Variants in RIN3 observed in about 807,000 individuals in gnomAD.
The protein encoded by RIN3 is RAB5 interacting protein 3.
In RIN3, 54 loss-of-function variants were observed where a neutral mutation model predicts 76.3. The observed-to-expected ratio is 0.71, with a 90% CI of 0.57 to 0.89. The LOEUF is 0.89. RIN3 is among the 40% of genes least tolerant of loss of function. The pLI is 0.00. For missense variants in RIN3, 1,256 were observed against 1,322.1 expected (o/e 0.95, Z 0.78); for synonymous variants, 576 against 564.0 (o/e 1.02, Z -0.30).
At chr14:92,651,399 C>G (rs969246219) in intron 5 of RIN3, among the ~76,000 whole-genome samples, 183 bp from the exon 6 acceptor site, 1 of 151,904 alleles carries the variant, frequency 6.6e-6, no homozygotes, top group African/African-American at 2.4e-5. Context: ...CCTCTCGAGG[C>G]AGGAAGTGGT....
intron 1 of RIN3, among the ~76,000 whole-genome samples, chr14:92,536,466 G>A (rs920470385): frequency 1.1e-4 from 17 of 152,254 alleles, no homozygotes; most frequent in Non-Finnish European, 2.2e-4. Context: ...GGGTTCAGCC[G>A]GGAGCAGTGA....
intron 4 of RIN3, among the ~76,000 whole-genome samples, chr14:92,621,235 C>CAAAAAAAAAAAAAAAAAA (rs572318532): frequency 5.7e-5 from 4 of 70,696 alleles, no homozygotes; most frequent in African/African-American, 2.5e-4. Context: ...GACTCCGTCT[C>CAAAAAAAAAAAAAAAAAA]AAAAAAAAAA....
chr14:92,668,125 G>T (rs771913068), intron 7 of RIN3, among the ~76,000 whole-genome samples: 2 of 152,174 alleles, frequency 1.3e-5, no homozygotes, highest in Non-Finnish European at 1.5e-5. Flanking sequence ...TGGACACTGT[G>T]ATTATCCCCA....
intron 1 of RIN3, among the ~76,000 whole-genome samples, chr14:92,554,547 A>G (rs1373281880): frequency 6.6e-6 from 1 of 152,226 alleles, no homozygotes; most frequent in African/African-American, 2.4e-5. Context: ...CAAGCCACAT[A>G]TGTCATTTTA....
Position 92,524,909 on chromosome 14 carries a change from C to A in RIN3, c.44+10933C>A, listed in dbSNP as rs1469100911. ...ACATCTGCCTTCACTAGCTGCCTCCCTCTCTAGCCTCTGGAAGGGGCTGAG... is the reference window on the plus strand; with the variant it reads ...ACATCTGCCTTCACTAGCTGCCTCCATCTCTAGCCTCTGGAAGGGGCTGAG... On this transcript the variant is annotated intron_variant, in intron 1 of 9. Transcript: ENST00000216487. Among the ~76,000 whole-genome samples the A allele has an allele frequency of 3.3e-5, 5 of 152,358 alleles. No individual in the cohort carries two copies. In the South Asian group the frequency reaches 1.0e-3, roughly 32 times the overall value.
intron 3 of RIN3, among the ~76,000 whole-genome samples, chr14:92,584,424 G>T (rs747676794): frequency 3.3e-5 from 5 of 152,202 alleles, no homozygotes; most frequent in East Asian, 1.9e-4. Context: ...CCAGCCTCCA[G>T]TAGGATGGGA....
intron 7 of RIN3, among the ~76,000 whole-genome samples, chr14:92,675,227 T>G (rs1301569046): frequency 1.3e-5 from 2 of 152,262 alleles, no homozygotes; most frequent in African/African-American, 4.8e-5. Flanking sequence ...TGTAGGTTCC[T>G]GCTTATTTGC....
At chr14:92,515,985 G>A (rs1896431082) in intron 1 of RIN3, among the ~76,000 whole-genome samples, 1 of 152,118 alleles carries the variant, frequency 6.6e-6, no homozygotes, top group African/African-American at 2.4e-5. Context: ...GTGCATCAGG[G>A]ACAGATGCCG....
At chr14:92,527,299 G>T (rs576438369) in intron 1 of RIN3, among the ~76,000 whole-genome samples, 1 of 151,858 alleles carries the variant, frequency 6.6e-6, no homozygotes, top group African/African-American at 2.4e-5. Flanking sequence ...TGATCCACCC[G>T]TCTCAGCCTC....
At chr14:92,657,352 T>C (rs1233726058) in intron 6 of RIN3, among the ~76,000 whole-genome samples, 3 of 136,656 alleles carry the variant, frequency 2.2e-5, no homozygotes, top group Non-Finnish European at 4.7e-5. Context: ...CAGAACAAGA[T>C]TCTGTCTCAA....
In RIN3 at chr14:92,676,472, C is replaced by T; in HGVS notation, c.2336-3C>T. The T allele has an allele frequency of 6.2e-7, 1 of 1,613,470 alleles. No homozygotes were observed. Among genetic ancestry groups the T allele is most frequent in the Non-Finnish European group, 8.5e-7 (1 of 1,179,472 alleles). ...TCTCCCTCTGCCTCCTTCTTCTTCC[C>T]AGGGAAGCCCTATGGGGCGGATGAC... On this transcript the variant is annotated splice_region_variant and splice_polypyrimidine_tract_variant and intron_variant, in intron 7 of 9. Transcript: ENST00000216487.
At position 92,645,769 on chromosome 14, in the gene RIN3, C is replaced by T. The variant is rs145143227; in HGVS notation, c.532+4440C>T. Among the ~76,000 whole-genome samples the T allele has an allele frequency of 2.3e-3, 345 of 152,280 alleles. 5 individuals carry two copies. Among genetic ancestry groups the T allele is most frequent in the Admixed American group, 0.016 (244 of 15,306 alleles). On this transcript the variant is annotated intron_variant, in intron 5 of 9. Coordinates refer to ENST00000216487, the MANE Select transcript of RIN3 (RefSeq NM_024832.5). ...AGGAGTTCAAGATTGGCCTGGACAA[C>T]ATGGTGAAACCCCATCTTTACTGAA...
chr14:92,612,335 T>G (rs982806394), intron 3 of RIN3, among the ~76,000 whole-genome samples: 9 of 152,176 alleles, frequency 5.9e-5, no homozygotes, highest in Admixed American at 1.3e-4. Flanking sequence ...CCACCACCCA[T>G]CAGAACAAAG....
chr14:92,571,032 A>G (rs1898050384), intron 2 of RIN3, among the ~76,000 whole-genome samples: 1 of 152,262 alleles, frequency 6.6e-6, no homozygotes. Context: ...AACAGACTGT[A>G]AAATACTCTT....
intron 7 of RIN3, among the ~76,000 whole-genome samples, chr14:92,667,859 A>G (rs1010765455): frequency 5.3e-5 from 8 of 150,858 alleles, no homozygotes; most frequent in South Asian, 4.2e-4. Context: ...ATTGACATCC[A>G]GGTGACAGGA....
At chr14:92,567,352 A>G (rs1897941149) in intron 2 of RIN3, among the ~76,000 whole-genome samples, 1 of 152,198 alleles carries the variant, frequency 6.6e-6, no homozygotes, top group Non-Finnish European at 1.5e-5. Flanking sequence ...TGGCTCAGCA[A>G]TTTGGGCTGG....
intron 2 of RIN3, among the ~76,000 whole-genome samples, chr14:92,563,049 G>C (rs6575266): frequency 0.76 from 115,359 of 152,036 alleles, 44,021 homozygotes; most frequent in East Asian, 0.96. Context: ...CGATTCTGTT[G>C]AGTATTAGTT....
At chr14:92,615,595 G>A in intron 4 of RIN3, 116 bp downstream of exon 4, 2 of 869,920 alleles carry the variant, frequency 2.3e-6, no homozygotes. Flanking sequence ...GTGGCCCAGA[G>A]GATGCAGAGA....
At chr14:92,655,302 TG>T (rs1302189807) in intron 6 of RIN3, among the ~76,000 whole-genome samples, 4 of 152,186 alleles carry the variant, frequency 2.6e-5, no homozygotes, top group Non-Finnish European at 5.9e-5. Flanking sequence ...GAGCCGAGAT[TG>T]TGCCACTGCA....
Sources: allele counts gnomAD v4.1 joint callset (sites outside exome capture counted in the v4.1 genomes callset), GRCh38; gene constraint gnomAD v4.1.1; transcripts MANE v1.5; gene names NCBI Gene and HGNC (gene_info 2026-07-23, HGNC 2026-07-21).